Variants in ERC2 observed in about 807,000 individuals in gnomAD.
The protein encoded by ERC2 is ERC protein 2.
ERC2 carries 42 observed loss-of-function variants against 114.8 expected under a neutral mutation model. The observed-to-expected ratio is 0.37, with a 90% confidence interval of 0.29 to 0.47. The LOEUF is 0.47. ERC2 is among the 20% of genes least tolerant of loss of function. ERC2 has a pLI of 0.99. For missense variants in ERC2, 939 were observed against 1,150.7 expected (o/e 0.82, Z 2.66); for synonymous variants, 454 against 425.5 (o/e 1.07, Z -0.82).
At chr3:56,235,054 C>T (rs2050853911) in intron 3 of ERC2, among the ~76,000 whole-genome samples, 1 of 152,116 alleles carries the variant, frequency 6.6e-6, no homozygotes, top group Non-Finnish European at 1.5e-5. Flanking sequence ...TCAATGCTTC[C>T]CGATCTCTTT....
intron 17 of ERC2, among the ~76,000 whole-genome samples, chr3:55,673,819 T>G (rs1225262457): frequency 1.3e-5 from 2 of 150,936 alleles, no homozygotes; most frequent in Non-Finnish European, 3.0e-5. Flanking sequence ...TTTTTTTTTT[T>G]TTTTTTTTAG....
chr3:55,890,239 T>G (rs900409241), intron 13 of ERC2, among the ~76,000 whole-genome samples: 3 of 152,210 alleles, frequency 2.0e-5, no homozygotes, highest in Non-Finnish European at 4.4e-5. Context: ...GTTTTGAGTT[T>G]TCCTCCCTTT....
chr3:56,053,096 G>C (rs1381718375), intron 7 of ERC2, among the ~76,000 whole-genome samples: 1 of 152,202 alleles, frequency 6.6e-6, no homozygotes, highest in Non-Finnish European at 1.5e-5. Context: ...GCTTTGTGCA[G>C]AATCAAGGAA....
chr3:56,121,866 C>T (rs1402418692), intron 6 of ERC2, among the ~76,000 whole-genome samples: 1 of 152,136 alleles, frequency 6.6e-6, no homozygotes, highest in Non-Finnish European at 1.5e-5. Context: ...TTCAATTCCT[C>T]CCTGCAGCAA....
chr3:55,714,849 T>A (rs1315218488), intron 15 of ERC2, among the ~76,000 whole-genome samples: 5 of 145,282 alleles, frequency 3.4e-5, no homozygotes, highest in African/African-American at 7.6e-5. Context: ...AATAAAACAA[T>A]AAAAAAAAAA....
chr3:55,890,823 T>G (rs1202587947), intron 13 of ERC2, among the ~76,000 whole-genome samples: 1 of 152,198 alleles, frequency 6.6e-6, no homozygotes, highest in Non-Finnish European at 1.5e-5. Context: ...CTCTTCCTAA[T>G]TTGTGTGGCC....
At position 56,386,607 on chromosome 3, in the gene ERC2, CA is replaced by C. The variant is rs572535446; in HGVS notation, c.657+47743del. Among the ~76,000 whole-genome samples, 396 of 152,126 alleles carry C rather than the reference CA, an allele frequency of 2.6e-3. 1 individual carries two copies. The highest frequency in any genetic ancestry group is 0.01 in the Middle Eastern group (3 of 294). On this transcript the variant is annotated intron_variant, in intron 2 of 17. Transcript: ENST00000288221. ...TTGTTTCTGTTTTTTAAAATTTCCC[CA>C]AGTCATTCTGATTATAAGCAGGGCT... is the stretch of plus-strand genomic sequence containing the variant.
chr3:56,150,439 C>T (rs1207588852), intron 4 of ERC2, among the ~76,000 whole-genome samples: 1 of 152,100 alleles, frequency 6.6e-6, no homozygotes, highest in Non-Finnish European at 1.5e-5. Context: ...ATTTATGCAA[C>T]TCTATTATGT....
chr3:55,877,508 AT>A (rs1559803043), intron 14 of ERC2, among the ~76,000 whole-genome samples: 2 of 141,484 alleles, frequency 1.4e-5, no homozygotes, highest in African/African-American at 5.3e-5. Context: ...TTTAATTTTT[AT>A]TTTTTCTTTT....
chr3:55,955,904 G>A (rs1259077655), intron 12 of ERC2, among the ~76,000 whole-genome samples: 2 of 152,170 alleles, frequency 1.3e-5, no homozygotes, highest in African/African-American at 4.8e-5. Flanking sequence ...TTCTAGCTGC[G>A]TGGCCGTGGG....
intron 17 of ERC2, among the ~76,000 whole-genome samples, chr3:55,669,688 G>A (rs2061483935): frequency 1.3e-5 from 2 of 152,198 alleles, no homozygotes; most frequent in African/African-American, 4.8e-5. Flanking sequence ...TGAACTTGCA[G>A]GCATATATTT....
rs137948339 is a variant in ERC2, at chr3:55,758,012, G to C, written c.2565-23094C>G. 4.0e-5 allele frequency among the ~76,000 whole-genome samples: 6 copies of C among 151,522 alleles called. No individual in the cohort carries two copies. The East Asian group carries it at 1.2e-3, about 29-fold the overall frequency. The stretch of plus-strand genomic sequence containing the variant: ...ACGATAGAGCCCATTTTTTCATCTG[G>C]AGAGAATTACATCTGATGACTATCA... On this transcript the variant is annotated intron_variant, in intron 14 of 17. Coordinates refer to ENST00000288221, the MANE Select transcript of ERC2 (RefSeq NM_015576.3).
At chr3:55,573,303 G>A (rs185404781) in intron 17 of ERC2, among the ~76,000 whole-genome samples, 113 of 152,286 alleles carry the variant, frequency 7.4e-4, no homozygotes, top group East Asian at 5.8e-4. Context: ...ATTGTTTTAC[G>A]GGGTTATTTG....
chr3:55,655,320 C>T (rs1459940132), intron 17 of ERC2, among the ~76,000 whole-genome samples: 1 of 152,160 alleles, frequency 6.6e-6, no homozygotes, highest in Non-Finnish European at 1.5e-5. Flanking sequence ...AAAGAAGAGT[C>T]TGCTTCCAGG....
chr3:55,967,041 A>C (rs1280758428), intron 12 of ERC2, among the ~76,000 whole-genome samples: 1 of 152,218 alleles, frequency 6.6e-6, no homozygotes, highest in Admixed American at 6.5e-5. Flanking sequence ...CAAAGACTAA[A>C]AACTATCTGA....
intron 5 of ERC2, among the ~76,000 whole-genome samples, chr3:56,142,654 T>C (rs2080922464): frequency 6.6e-6 from 1 of 152,154 alleles, no homozygotes; most frequent in Non-Finnish European, 1.5e-5. Context: ...ATATTTTCAA[T>C]CTCTTATTTA....
intron 17 of ERC2, among the ~76,000 whole-genome samples, chr3:55,622,359 C>T (rs1186128565): frequency 6.6e-6 from 1 of 152,150 alleles, no homozygotes; most frequent in Non-Finnish European, 1.5e-5. Flanking sequence ...AGTGACACAT[C>T]ATGGATCTTA....
At chr3:56,153,006 A>C (rs930023074) in intron 4 of ERC2, among the ~76,000 whole-genome samples, 2 of 152,196 alleles carry the variant, frequency 1.3e-5, no homozygotes, top group Admixed American at 6.5e-5. Context: ...TGACGGCTAT[A>C]GTTATAGAAA....
In ERC2 at chr3:56,249,356, C is replaced by T. The variant is rs959207215; in HGVS notation, c.1074+46663G>A. Among the ~76,000 whole-genome samples the T allele has an allele frequency of 4.0e-5, 6 of 151,586 alleles. No individual in the cohort carries two copies. In the East Asian group the frequency reaches 5.8e-4, roughly 15 times the overall value. ...ACCTTTTTTTTTTGAGACAGAGTCTCGCTCTGTCATCCAGGCTGGAGTGCA... is the reference window on the plus strand; with the variant it reads ...ACCTTTTTTTTTTGAGACAGAGTCTTGCTCTGTCATCCAGGCTGGAGTGCA... On this transcript the variant is annotated intron_variant, in intron 3 of 17. Transcript: ENST00000288221.
Sources: gnomAD v4.1 joint callset for allele counts (sites outside exome capture counted in the v4.1 genomes callset) on GRCh38, gnomAD v4.1.1 for gene constraint, MANE v1.5 for transcripts, NCBI Gene and HGNC (gene_info 2026-07-23, HGNC 2026-07-21) for gene names.